KCNIP4: variants seen among roughly 807,000 people sequenced by gnomAD.
The protein encoded by KCNIP4 is potassium voltage-gated channel interacting protein 4, also known as Kv channel-interacting protein 4.
Under a neutral mutation model 34.0 loss-of-function variants are expected in KCNIP4, and 12 were observed. The ratio of observed to expected loss-of-function variants is 0.35; its 90% CI spans 0.23 to 0.57. KCNIP4 has a LOEUF of 0.57. Among genes scored for constraint, KCNIP4 ranks in the 20% least tolerant of loss-of-function variants. The pLI is 0.83. For synonymous variants in KCNIP4, 124 were observed against 102.2 expected (o/e 1.21, Z -1.29); for missense variants, 238 against 311.7 (o/e 0.76, Z 1.78).
intron 1 of KCNIP4, among the ~76,000 whole-genome samples, chr4:21,485,105 A>G (rs571677186): frequency 3.0e-4 from 45 of 152,314 alleles, no homozygotes; most frequent in African/African-American, 1.0e-3. Flanking sequence ...ATTAGCAAGG[A>G]GGCAATCTCA....
intron 1 of KCNIP4, among the ~76,000 whole-genome samples, chr4:21,465,112 A>G (rs953597505): frequency 1.3e-5 from 2 of 151,888 alleles, no homozygotes; most frequent in South Asian, 2.1e-4. Context: ...TATAAATAGA[A>G]GAAGAACATT....
chr4:20,928,310 A>T (rs779332732), intron 1 of KCNIP4, among the ~76,000 whole-genome samples: 1 of 151,568 alleles, frequency 6.6e-6, no homozygotes. Flanking sequence ...ACTACAAATC[A>T]ATAACATGGG....
At chr4:21,547,123 G>C (rs1738211488) in intron 1 of KCNIP4, among the ~76,000 whole-genome samples, 1 of 152,034 alleles carries the variant, frequency 6.6e-6, no homozygotes, top group Admixed American at 6.6e-5. Flanking sequence ...AATGAATGTG[G>C]AGTAGAAATG....
chr4:21,531,908 G>A (rs1034760024), intron 1 of KCNIP4, among the ~76,000 whole-genome samples: 9 of 151,988 alleles, frequency 5.9e-5, no homozygotes, highest in Non-Finnish European at 1.2e-4. Context: ...TAAAGTCAAA[G>A]TACAAGAAAG....
chr4:21,132,853 C>CAAAAAAA (rs71189683), intron 1 of KCNIP4, among the ~76,000 whole-genome samples: 4 of 116,692 alleles, frequency 3.4e-5, no homozygotes, highest in South Asian at 3.1e-4. Flanking sequence ...TACTAAACGA[C>CAAAAAAA]AAAAAAAAAA....
chr4:21,285,078 T>A (rs138394904), intron 1 of KCNIP4, among the ~76,000 whole-genome samples: 2,316 of 152,294 alleles, frequency 0.015, 28 homozygotes, highest in Non-Finnish European at 0.026. Context: ...CCATTATGGC[T>A]TAGGTTGATC....
chr4:21,524,121 T>G (rs1329544606), intron 1 of KCNIP4, among the ~76,000 whole-genome samples: 1 of 152,098 alleles, frequency 6.6e-6, no homozygotes, highest in African/African-American at 2.4e-5. Context: ...CATAGACATA[T>G]CTGGGTGGTA....
At chr4:20,944,814 T>C (rs960036161) in intron 1 of KCNIP4, among the ~76,000 whole-genome samples, 1 of 152,186 alleles carries the variant, frequency 6.6e-6, no homozygotes, top group African/African-American at 2.4e-5. Context: ...CTAACTCATA[T>C]GTAAAAATGC....
intron 3 of KCNIP4, among the ~76,000 whole-genome samples, chr4:20,843,097 G>A (rs1178270339): frequency 1.3e-5 from 2 of 151,856 alleles, no homozygotes; most frequent in African/African-American, 4.8e-5. Flanking sequence ...TAGTAGATAT[G>A]GGGTTTCGCC....
chr4:20,749,607 C>A, intron 5 of KCNIP4, 55 bp downstream of exon 5: 1 of 1,257,002 alleles, frequency 8.0e-7, no homozygotes, highest in Admixed American at 1.8e-5. Context: ...CATTTTCCCC[C>A]TAAAAAGACT....
intron 3 of KCNIP4, among the ~76,000 whole-genome samples, chr4:20,779,576 A>ACG (rs1756673333): frequency 1.2e-5 from 1 of 80,552 alleles, no homozygotes; most frequent in Non-Finnish European, 2.4e-5. Flanking sequence ...CTGCCCCACA[A>ACG]CCCCCCCCCC....
chr4:21,478,561 G>A (rs1290133622), intron 1 of KCNIP4, among the ~76,000 whole-genome samples: 4 of 152,270 alleles, frequency 2.6e-5, no homozygotes, highest in African/African-American at 9.6e-5. Flanking sequence ...CCAGATGGCA[G>A]CCATTCTGAC....
chr4:21,931,958 C>T (rs1042299931), intron 1 of KCNIP4, among the ~76,000 whole-genome samples: 5 of 152,030 alleles, frequency 3.3e-5, no homozygotes, highest in Non-Finnish European at 7.4e-5. Flanking sequence ...TGTAGGACCC[C>T]TTCCAAGAGA....
intron 1 of KCNIP4, among the ~76,000 whole-genome samples, chr4:21,714,864 AT>A (rs1308082574): frequency 2.8e-3 from 1 of 356 alleles, no homozygotes; most frequent in African/African-American, 0.042. Context: ...ATTTTATTTT[AT>A]TTTATTTTAT....
At chr4:21,239,764 A>G (rs1466805938) in intron 1 of KCNIP4, among the ~76,000 whole-genome samples, 1 of 152,192 alleles carries the variant, frequency 6.6e-6, no homozygotes, top group Non-Finnish European at 1.5e-5. Flanking sequence ...GAACACTTTT[A>G]CACTGTTGGT....
At chr4:21,706,365 C>T (rs1016198701) in intron 1 of KCNIP4, among the ~76,000 whole-genome samples, 3 of 152,072 alleles carry the variant, frequency 2.0e-5, no homozygotes, top group African/African-American at 7.2e-5. Context: ...AGTTTAAATG[C>T]AAACCAGCTC....
rs200012018 is a variant in KCNIP4 at position 21,720,530 on chromosome 4, C to T, written c.61+228041G>A. On this transcript the variant is annotated intron_variant, in intron 1 of 8. Coordinates refer to ENST00000382152, the MANE Select transcript of KCNIP4 (RefSeq NM_025221.6). ...TTTTTTCCCCCATTCTGTTTTTTTTCTTTTTTTTTTTTTCATTGTACTTTA... is the reference window on the plus strand; with the variant it reads ...TTTTTTCCCCCATTCTGTTTTTTTTTTTTTTTTTTTTTTCATTGTACTTTA... Among the ~76,000 whole-genome samples, 13 of 140,340 alleles carry T rather than the reference C, an allele frequency of 9.3e-5. 1 individual carries two copies. The highest frequency in any genetic ancestry group is 7.9e-5 in the African/African-American group (3 of 38,140). The allele number at this position is 140,340 out of a possible 152,430, so 92.1% of individuals were successfully genotyped here. A position where few individuals can be genotyped will look rare whatever the true frequency, so the allele number is the denominator to read the frequency against.
At chr4:21,537,244 C>G (rs116376303) in intron 1 of KCNIP4, among the ~76,000 whole-genome samples, 2,138 of 152,224 alleles carry the variant, frequency 0.014, 44 homozygotes, top group African/African-American at 0.049. Flanking sequence ...GTACCTCAAA[C>G]CTTTCTGGTC....
At chr4:21,580,958 G>A (rs1741157683) in intron 1 of KCNIP4, among the ~76,000 whole-genome samples, 1 of 152,060 alleles carries the variant, frequency 6.6e-6, no homozygotes, top group Admixed American at 6.5e-5. Flanking sequence ...AGTGTGCTGA[G>A]AGCTTATCCA....
Sources: gnomAD v4.1 joint callset for allele counts (sites outside exome capture counted in the v4.1 genomes callset) on GRCh38, gnomAD v4.1.1 for gene constraint, MANE v1.5 for transcripts, NCBI Gene and HGNC (gene_info 2026-07-23, HGNC 2026-07-21) for gene names.